CCDC40: variants seen among roughly 807,000 people sequenced by gnomAD.
The protein encoded by CCDC40 is coiled-coil domain-containing protein 40.
CCDC40 carries 104 observed loss-of-function variants against 124.5 expected under a neutral mutation model. That is an observed-to-expected ratio of 0.84 (90% CI 0.71 to 0.98). CCDC40 has a LOEUF of 0.98. Among genes scored for constraint, CCDC40 ranks in the 50% least tolerant of loss-of-function variants. CCDC40 has a pLI of 0.00. For missense variants in CCDC40, 1,463 were observed against 1,503.9 expected (o/e 0.97, Z 0.45); for synonymous variants, 580 against 602.9 (o/e 0.96, Z 0.56).
At chr17:80,036,844 G>T (rs1178890073) in intron 1 of CCDC40, 153 bp downstream of exon 1, 1 of 681,498 alleles carries the variant, frequency 1.5e-6, no homozygotes, top group Non-Finnish European at 2.2e-6. Context: ...CATTTTGCTG[G>T]CCTTTCCCGT....
intron 7 of CCDC40, among the ~76,000 whole-genome samples, chr17:80,055,997 TATATATATATATATA>T (rs2037729030): frequency 8.4e-5 from 1 of 11,934 alleles, no homozygotes; most frequent in East Asian, 1.5e-3. Context: ...TATATATATA[TATATATATATATATA>T]TATATTTTTT....
At chr17:80,083,054 G>A (rs975926278) in intron 12 of CCDC40, among the ~76,000 whole-genome samples, 2 of 152,134 alleles carry the variant, frequency 1.3e-5, no homozygotes, top group Non-Finnish European at 2.9e-5. Context: ...GTCAACCACG[G>A]GGTCCAGGCA....
chr17:80,072,983 CT>C (rs1454562746), intron 10 of CCDC40, among the ~76,000 whole-genome samples: 1 of 113,076 alleles, frequency 8.8e-6, no homozygotes, highest in Non-Finnish European at 1.9e-5. Context: ...CGTGGAATCG[CT>C]TTTGTTTGTT....
At chr17:80,081,430 T>C in intron 10 of CCDC40, 116 bp from the exon 11 acceptor site, 1 of 823,642 alleles carries the variant, frequency 1.2e-6, no homozygotes. Flanking sequence ...GCTTCCTAAT[T>C]TATTTCTCTG....
At chr17:80,057,862 C>T (rs142330065) in intron 7 of CCDC40, among the ~76,000 whole-genome samples, 4,191 of 144,294 alleles carry the variant, frequency 0.029, 91 homozygotes, top group Non-Finnish European at 0.043. Context: ...GGCGACAGAG[C>T]GAGATTTCGT....
At chr17:80,061,626 G>A (rs538949704) in intron 9 of CCDC40, among the ~76,000 whole-genome samples, 11 of 152,280 alleles carry the variant, frequency 7.2e-5, no homozygotes, top group South Asian at 4.1e-4. Flanking sequence ...GGGGCCGCCC[G>A]CACTTCCTTC....
chr17:80,081,469 T>G, intron 10 of CCDC40, 77 bp from the exon 11 acceptor site: 1 of 1,589,166 alleles, frequency 6.3e-7, no homozygotes, highest in Non-Finnish European at 8.6e-7. Flanking sequence ...GTGAGCTCCC[T>G]CGTGTGGGGC....
At chr17:80,081,324 G>A (rs1294676197) in intron 10 of CCDC40, 1 of 279,638 alleles carries the variant, frequency 3.6e-6, no homozygotes, top group African/African-American at 2.3e-5. Context: ...GGCGGAGGTT[G>A]CAGTGAACCG....
At chr17:80,076,221 A>G (rs950647936) in intron 10 of CCDC40, among the ~76,000 whole-genome samples, 1 of 152,142 alleles carries the variant, frequency 6.6e-6, no homozygotes, top group Non-Finnish European at 1.5e-5. Flanking sequence ...TCTTTCATAA[A>G]AGAAGAGTCG....
intron 17 of CCDC40, chr17:80,090,902 AT>A (rs2038710734): frequency 1.3e-6 from 1 of 776,500 alleles, no homozygotes; most frequent in African/African-American, 1.9e-5. Context: ...ACCAAATTTA[AT>A]TGACTTTTCA....
At chr17:80,052,032 C>T (rs62074548) in intron 7 of CCDC40, among the ~76,000 whole-genome samples, 14,851 of 152,302 alleles carry the variant, frequency 0.098, 737 homozygotes, top group Middle Eastern at 0.13. Flanking sequence ...ATTTGGGCAA[C>T]GGTCCCGGCC....
intron 10 of CCDC40, among the ~76,000 whole-genome samples, chr17:80,074,897 C>T (rs576054224): frequency 2.8e-4 from 42 of 152,134 alleles, no homozygotes; most frequent in Non-Finnish European, 5.7e-4. Flanking sequence ...TAAGGATATT[C>T]GTGATTCATG....
At position 80,095,359 on chromosome 17, in the gene CCDC40, G is replaced by T; in HGVS notation, c.2929G>T (p.Gly977Trp). Residue 977 changes from glycine (G) to tryptophan (W), a missense_variant, in exon 18 of 20, where the codon GGG becomes TGG. By Grantham distance (184) the Gly-to-Trp change is radical (BLOSUM62 -2). Transcript: ENST00000397545. The stretch of plus-strand genomic sequence containing the variant: ...AGAGACCGTCACCACCCAGGCCGAG[G>T]GGCAGCGCAAGATGGACAGGAAGGC... Reference protein sequence around the residue: ...RRETVTTQAEGQRKMDRKALT... With the variant: ...RRETVTTQAEWQRKMDRKALT... 1 of 1,614,110 alleles carries T rather than the reference G, an allele frequency of 6.2e-7. No individual in the cohort carries two copies. Among genetic ancestry groups the T allele is most frequent in the Non-Finnish European group, 8.5e-7 (1 of 1,180,038 alleles).
chr17:80,054,437 T>G (rs1441897149), intron 7 of CCDC40, among the ~76,000 whole-genome samples: 2 of 152,130 alleles, frequency 1.3e-5, no homozygotes, highest in Non-Finnish European at 2.9e-5. Context: ...TCCTGTGTTA[T>G]CAAAGCTCCA....
At chr17:80,037,688 A>AGATATATATATATATATAT (rs1555889124) in intron 1 of CCDC40, among the ~76,000 whole-genome samples, 3 of 45,676 alleles carry the variant, frequency 6.6e-5, no homozygotes, top group African/African-American at 1.8e-4. Context: ...TTTTTTAAAA[A>AGATATATATATATATATAT]AGATATACAT....
At chr17:80,067,652 T>G in intron 10 of CCDC40, 1 of 1,536,134 alleles carries the variant, frequency 6.5e-7, no homozygotes, top group Admixed American at 2.0e-5. Context: ...ATGGCGGTGC[T>G]GCTGTAGATA....
At position 80,097,362 on chromosome 17, in the gene CCDC40, C is replaced by G; in HGVS notation, c.3139C>G (p.Leu1047Val). 6.2e-7 allele frequency: 1 copy of G among 1,614,010 alleles called. No individual in the cohort carries two copies. The highest frequency in any genetic ancestry group is 8.5e-7 in the Non-Finnish European group (1 of 1,180,038). The change falls in exon 19 of 20, where the codon CTC (leucine) becomes GTC (valine). Residue 1047 changes from leucine (L) to valine (V), a missense_variant. Physicochemically the swap from Leu to Val is conservative, Grantham distance 32. Coordinates refer to ENST00000397545, the MANE Select transcript of CCDC40 (RefSeq NM_017950.4). ...GGTGATTCAGGCAGACTTCGACACA[C>G]TCGAGGCCGACCTCACCCGGCTTGG... ...LSVIQADFDTLEADLTRLGAL... is the reference protein window; with the variant it reads ...LSVIQADFDTVEADLTRLGAL...
intron 10 of CCDC40, among the ~76,000 whole-genome samples, chr17:80,078,086 C>CT (rs1359785009): frequency 6.6e-6 from 1 of 152,126 alleles, no homozygotes; most frequent in African/African-American, 2.4e-5. Flanking sequence ...AATCCCAGCA[C>CT]TTTGGGAGGC....
chr17:80,064,031 C>T (rs574222161), intron 9 of CCDC40, among the ~76,000 whole-genome samples: 1 of 152,258 alleles, frequency 6.6e-6, no homozygotes, highest in South Asian at 2.1e-4. Flanking sequence ...AAGTCAGTCC[C>T]GGGATGTACA....
Sources: allele counts gnomAD v4.1 joint callset (sites outside exome capture counted in the v4.1 genomes callset), GRCh38; gene constraint gnomAD v4.1.1; transcripts MANE v1.5; gene names NCBI Gene and HGNC (gene_info 2026-07-23, HGNC 2026-07-21).